The following ANKRD55 variants were observed in gnomAD, a reference collection of about 807,000 sequenced individuals.
ANKRD55 encodes ankyrin repeat domain 55.
A neutral mutation model predicts 60.6 loss-of-function variants in ANKRD55; 41 were observed. The observed-to-expected ratio is 0.68, with a 90% CI of 0.53 to 0.88. ANKRD55 has a LOEUF of 0.88. ANKRD55 is among the 40% of genes least tolerant of loss of function. The probability of loss-of-function intolerance (pLI) is 0.00; values close to 1 mark genes in which losing one functional copy is unlikely to be tolerated. For missense variants in ANKRD55, 732 were observed against 767.6 expected, an observed-to-expected ratio of 0.95 and a Z score of 0.55; for synonymous variants, 264 against 290.3, an observed-to-expected ratio of 0.91 and a Z score of 0.92.
intron 2 of ANKRD55, among the ~76,000 whole-genome samples, chr5:56,229,088 C>T (rs1229802004): frequency 8.4e-5 from 12 of 142,644 alleles, no homozygotes; most frequent in African/African-American, 3.2e-4. Context: ...GCCGACCCCT[C>T]GCCTGTTTTT....
intron 2 of ANKRD55, among the ~76,000 whole-genome samples, chr5:56,227,617 C>CTT (rs10567262): frequency 1.6e-4 from 23 of 147,914 alleles, no homozygotes; most frequent in Non-Finnish European, 2.8e-4. Context: ...CCATTGATGT[C>CTT]TTTTTTTTTT....
At chr5:56,105,578 A>G (rs928226109) in intron 10 of ANKRD55, among the ~76,000 whole-genome samples, 4 of 152,232 alleles carry the variant, frequency 2.6e-5, no homozygotes, top group African/African-American at 9.6e-5. Flanking sequence ...GAAAGGTATG[A>G]AATTGTCAAG....
At chr5:56,185,839 C>T (rs961160744) in intron 2 of ANKRD55, among the ~76,000 whole-genome samples, 1 of 152,188 alleles carries the variant, frequency 6.6e-6, no homozygotes, top group African/African-American at 2.4e-5. Context: ...TTTGGGAAGT[C>T]ATAAGTGCCG....
intron 6 of ANKRD55, among the ~76,000 whole-genome samples, chr5:56,150,506 A>G (rs1170938338): frequency 6.6e-6 from 1 of 151,774 alleles, no homozygotes; most frequent in East Asian, 1.9e-4. Context: ...TGGGAGGCTG[A>G]GGTGGGAGAG....
At chr5:56,197,857 T>G (rs1299088463) in intron 2 of ANKRD55, among the ~76,000 whole-genome samples, 2 of 152,234 alleles carry the variant, frequency 1.3e-5, no homozygotes, top group Non-Finnish European at 2.9e-5. Flanking sequence ...TTTTCACAAT[T>G]GTTTTCTTGA....
chr5:56,122,382 G>A (rs1356035798), intron 8 of ANKRD55, among the ~76,000 whole-genome samples: 1 of 152,110 alleles, frequency 6.6e-6, no homozygotes, highest in African/African-American at 2.4e-5. Flanking sequence ...CAGGCACGGT[G>A]GCTAACATCT....
chr5:56,170,108 C>T (rs1344364930), intron 5 of ANKRD55, among the ~76,000 whole-genome samples: 1 of 152,196 alleles, frequency 6.6e-6, no homozygotes, highest in African/African-American at 2.4e-5. Context: ...CTTCTAACCC[C>T]CTGATCTCCC....
chr5:56,132,355 C>T (rs57292400), intron 7 of ANKRD55, among the ~76,000 whole-genome samples: 6,639 of 149,830 alleles, frequency 0.044, 510 homozygotes, highest in African/African-American at 0.16. Context: ...AGGGCATGGG[C>T]GGATCACAAG....
chr5:56,152,439 C>T (rs1226295844), intron 6 of ANKRD55, among the ~76,000 whole-genome samples: 1 of 152,056 alleles, frequency 6.6e-6, no homozygotes, highest in Admixed American at 6.6e-5. Flanking sequence ...TATATATATC[C>T]TAAATGCTGT....
intron 6 of ANKRD55, among the ~76,000 whole-genome samples, chr5:56,159,126 G>T (rs774414792): frequency 1.1e-4 from 16 of 152,176 alleles, no homozygotes; most frequent in Non-Finnish European, 2.2e-4. Flanking sequence ...GTGACCACTG[G>T]CACGCGCCAC....
intron 11 of ANKRD55, 91 bp from the exon 12 acceptor site, chr5:56,100,395 G>A: frequency 6.6e-7 from 1 of 1,505,958 alleles, no homozygotes; most frequent in Non-Finnish European, 9.2e-7. Context: ...TAGGAGTCGA[G>A]GCATTTCTAA....
At chr5:56,220,187 G>A (rs1028140601) in intron 2 of ANKRD55, among the ~76,000 whole-genome samples, 1 of 152,254 alleles carries the variant, frequency 6.6e-6, no homozygotes, top group African/African-American at 2.4e-5. Context: ...CTGGCAAGAG[G>A]CCCCCTCCCC....
At chr5:56,110,688 G>A (rs1426795025) in intron 10 of ANKRD55, 1 of 200,914 alleles carries the variant, frequency 5.0e-6, no homozygotes, top group Non-Finnish European at 1.0e-5. Flanking sequence ...CACAAGGCAT[G>A]GCCATTTTCC....
chr5:56,182,316 T>C (rs1044186272), intron 3 of ANKRD55, among the ~76,000 whole-genome samples: 1 of 152,202 alleles, frequency 6.6e-6, no homozygotes. Context: ...TATTTCTTAC[T>C]GTTCTGTTTT....
intron 7 of ANKRD55, among the ~76,000 whole-genome samples, chr5:56,137,970 G>A (rs1757654428): frequency 1.3e-5 from 2 of 152,036 alleles, no homozygotes; most frequent in Admixed American, 1.3e-4. Context: ...AAACAACCAT[G>A]AGATACCACA....
chr5:56,194,116 G>C (rs1352400261), intron 2 of ANKRD55, among the ~76,000 whole-genome samples: 1 of 152,102 alleles, frequency 6.6e-6, no homozygotes, highest in Non-Finnish European at 1.5e-5. Context: ...AGGAGATTGA[G>C]ACCACCCTGG....
intron 4 of ANKRD55, among the ~76,000 whole-genome samples, chr5:56,172,342 T>A (rs1448480187): frequency 6.6e-6 from 1 of 152,156 alleles, no homozygotes; most frequent in African/African-American, 2.4e-5. Context: ...TCTTGAGTCA[T>A]AGTTTACTGA....
At chr5:56,151,849 G>GTA (rs1561271547) in intron 6 of ANKRD55, among the ~76,000 whole-genome samples, 4 of 149,064 alleles carry the variant, frequency 2.7e-5, no homozygotes, top group African/African-American at 9.9e-5. Flanking sequence ...ATGTGTGTGT[G>GTA]TATATATATG....
chr5:56,220,746 G>A (rs552788885), intron 2 of ANKRD55, among the ~76,000 whole-genome samples: 5 of 152,320 alleles, frequency 3.3e-5, no homozygotes, highest in Admixed American at 3.3e-4. Flanking sequence ...CCAGGAGGCA[G>A]AGGTTGCAGT....
Sources: allele counts gnomAD v4.1 joint callset (sites outside exome capture counted in the v4.1 genomes callset), GRCh38; gene constraint gnomAD v4.1.1; transcripts MANE v1.5; gene names NCBI Gene and HGNC (gene_info 2026-07-23, HGNC 2026-07-21).